The following SLC5A10 variants were observed in gnomAD, a reference collection of about 807,000 sequenced individuals.
The protein encoded by SLC5A10 is solute carrier family 5 member 10.
In SLC5A10, 55 loss-of-function variants were observed where a neutral mutation model predicts 68.9. The ratio of observed to expected loss-of-function variants is 0.80; its 90% CI spans 0.64 to 1.00. SLC5A10 has a LOEUF of 1.00. Among genes scored for constraint, SLC5A10 ranks in the 50% least tolerant of loss-of-function variants. The pLI is 0.00. For synonymous variants in SLC5A10, 344 were observed against 344.8 expected (o/e 1.00, Z 0.02); for missense variants, 732 against 819.3 (o/e 0.89, Z 1.30).
At chr17:18,961,627 C>T (rs532188978) in intron 5 of SLC5A10, among the ~76,000 whole-genome samples, 1 of 152,278 alleles carries the variant, frequency 6.6e-6, no homozygotes, top group East Asian at 1.9e-4. Flanking sequence ...GAAGAGGCGT[C>T]GATTTAGTGA....
Position 18,983,271 on chromosome 17 carries a change from C to A in SLC5A10, c.982+6282C>A, listed in dbSNP as rs866487561. 4.1e-4 allele frequency among the ~76,000 whole-genome samples: 63 copies of A among 152,370 alleles called. No individual in the cohort carries two copies. The Middle Eastern group carries it at 0.01, about 25-fold the overall frequency. On this transcript the variant is annotated intron_variant, in intron 9 of 14. Transcript: ENST00000395645. ...CTCCTTTAATTTCACCCTCACACAA[C>A]CCCGTGAGGCATCACTATGGCCATG...
rs879623155 is a variant in SLC5A10 at position 19,022,134 on chromosome 17, G to A, written c.*1703G>A. 8.7e-6 allele frequency: 13 copies of A among 1,496,092 alleles called. No homozygotes were observed. Among genetic ancestry groups the A allele is most frequent in the Admixed American group, 4.9e-5 (2 of 40,900 alleles). The allele number at this position is 1,496,092 out of a possible 1,614,324, so 92.7% of individuals were successfully genotyped here. On this transcript the variant is annotated 3_prime_UTR_variant, in exon 15 of 15. Transcript: ENST00000395645. ...GTCAAACTGGGCCTGGGCAAAGCAG[G>A]CCCCAGGTGACTGCAAGAAGAGGAG...
At chr17:18,993,227 CTG>C (rs1317004057) in intron 9 of SLC5A10, among the ~76,000 whole-genome samples, 5 of 152,242 alleles carry the variant, frequency 3.3e-5, no homozygotes, top group African/African-American at 9.6e-5. Context: ...CCTCAAGCCA[CTG>C]TGTCTCCTAC....
chr17:18,981,768 G>A (rs950817468), intron 9 of SLC5A10, among the ~76,000 whole-genome samples: 2 of 152,190 alleles, frequency 1.3e-5, no homozygotes, highest in Admixed American at 6.5e-5. Flanking sequence ...CGCCCTCGCC[G>A]GCCCCCCACC....
chr17:18,963,860 G>A (rs2042659193), intron 5 of SLC5A10, among the ~76,000 whole-genome samples: 1 of 152,220 alleles, frequency 6.6e-6, no homozygotes, highest in African/African-American at 2.4e-5. Flanking sequence ...TGGGCACGAT[G>A]CCCCATGCCA....
Position 19,011,185 on chromosome 17 carries a change from G to A in SLC5A10, c.983-2225G>A, listed in dbSNP as rs147554715. On this transcript the variant is annotated intron_variant, in intron 9 of 14. Transcript: ENST00000395645. ...ACAAACAACTGTGATTCAATCTTTG[G>A]CCTTAGGAGCCCTTGGGAGGAAGCT... Among the ~76,000 whole-genome samples the A allele has an allele frequency of 1.5e-3, 226 of 152,306 alleles. 1 individual carries two copies. Among genetic ancestry groups the A allele is most frequent in the African/African-American group, 5.3e-3 (220 of 41,564 alleles).
chr17:19,022,074 C>T lies in SLC5A10; in HGVS notation c.*1643C>T, dbSNP rs138402616. The T allele has an allele frequency of 1.5e-4, 231 of 1,591,602 alleles. No individual in the cohort carries two copies. The highest frequency in any genetic ancestry group is 1.0e-3 in the Middle Eastern group (6 of 6,016). ...CAGGACCTCAATGATGTCGCCACGG[C>T]GGAAGCTGAGCTGCGAGGGGTCCTG... On this transcript the variant is annotated 3_prime_UTR_variant, in exon 15 of 15. Transcript: ENST00000395645.
chr17:18,966,770 C>T (rs62076171), intron 5 of SLC5A10, among the ~76,000 whole-genome samples: 4 of 87,406 alleles, frequency 4.6e-5, no homozygotes, highest in South Asian at 4.4e-4. Flanking sequence ...AAAAAAACAA[C>T]ACTCTGCGGT....
In SLC5A10 at chr17:19,021,854, T is replaced by C; in HGVS notation, c.*1423T>C. 8.1e-7 allele frequency: 1 copy of C among 1,232,252 alleles called. No individual in the cohort carries two copies. Among genetic ancestry groups the C allele is most frequent in the Non-Finnish European group, 1.1e-6 (1 of 937,810 alleles). The allele number at this position is 1,232,252 out of a possible 1,614,324, so 76.3% of individuals were successfully genotyped here. A position where few individuals can be genotyped will look rare whatever the true frequency, so the allele number is the denominator to read the frequency against. The stretch of plus-strand genomic sequence containing the variant: ...GGAGCCCACGTTCAGTCCAAGGCCG[T>C]CCACTGAGCCCCGTGTGACTCTGAC... On this transcript the variant is annotated 3_prime_UTR_variant, in exon 15 of 15. Transcript: ENST00000395645. The surrounding 1 kb of genome is among the most constrained non-coding windows in gnomAD (Gnocchi z 4.1).
intron 9 of SLC5A10, chr17:18,979,818 G>A: frequency 1.1e-6 from 1 of 919,660 alleles, no homozygotes; most frequent in Admixed American, 2.2e-5. Flanking sequence ...TGGAGAAAGG[G>A]GCTGGTGTGT....
intron 9 of SLC5A10, among the ~76,000 whole-genome samples, chr17:18,984,600 G>T (rs556118906): frequency 1.2e-3 from 181 of 152,342 alleles, no homozygotes; most frequent in South Asian, 2.3e-3. Context: ...TTGCCCAGGG[G>T]CTGCTGGTAT....
At chr17:19,013,351 G>A (rs2044057506) in intron 9 of SLC5A10, 59 bp from the exon 10 acceptor site, 2 of 1,594,982 alleles carry the variant, frequency 1.3e-6, no homozygotes, top group East Asian at 2.3e-5. Context: ...GCCCTATCTT[G>A]CCCACCCCAG....
At chr17:18,966,177 A>C (rs2042705375) in intron 5 of SLC5A10, among the ~76,000 whole-genome samples, 1 of 152,122 alleles carries the variant, frequency 6.6e-6, no homozygotes, top group African/African-American at 2.4e-5. Context: ...AGGGTAGTGG[A>C]AAGGACAGTT....
chr17:18,966,502 G>A (rs1463282988), intron 5 of SLC5A10, among the ~76,000 whole-genome samples: 5 of 152,116 alleles, frequency 3.3e-5, no homozygotes, highest in African/African-American at 1.2e-4. Context: ...GGTGGCTCAC[G>A]CCTGTAATCC....
chr17:19,008,657 G>A (rs2043951441), intron 9 of SLC5A10, among the ~76,000 whole-genome samples: 1 of 151,508 alleles, frequency 6.6e-6, no homozygotes, highest in Admixed American at 6.6e-5. Flanking sequence ...CTGCCACCAC[G>A]CCCTGCTAAT....
Position 19,021,989 on chromosome 17 carries a change from TG to T in SLC5A10, c.*1561del. ...GGTGCACGGGCTGCACGTAACTCCG[TG>T]GGAAGAAGCCAACGCGCCCGCAGGA... On this transcript the variant is annotated 3_prime_UTR_variant, in exon 15 of 15. Coordinates refer to ENST00000395645, the MANE Select transcript of SLC5A10 (RefSeq NM_001042450.4). This position sits in a 1 kb window ranked among gnomAD's most constrained non-coding sequence, Gnocchi z 4.1. 1 of 1,582,842 alleles carries T rather than the reference TG, an allele frequency of 6.3e-7. No individual in the cohort carries two copies. Among genetic ancestry groups the T allele is most frequent in the Non-Finnish European group, 8.6e-7 (1 of 1,165,880 alleles).
At chr17:19,008,641 A>G (rs952697576) in intron 9 of SLC5A10, among the ~76,000 whole-genome samples, 85 of 151,840 alleles carry the variant, frequency 5.6e-4, no homozygotes, top group African/African-American at 2.0e-3. Flanking sequence ...CTGGGACTAC[A>G]GGCGCCTGCC....
intron 3 of SLC5A10, 99 bp from the exon 4 acceptor site, chr17:18,959,505 C>T: frequency 1.5e-6 from 2 of 1,349,392 alleles, no homozygotes; most frequent in Non-Finnish European, 2.1e-6. Flanking sequence ...TGGGGGAAGC[C>T]AGGCCTCCGG....
At chr17:18,983,911 C>G (rs1438620445) in intron 9 of SLC5A10, among the ~76,000 whole-genome samples, 1 of 152,204 alleles carries the variant, frequency 6.6e-6, no homozygotes, top group African/African-American at 2.4e-5. Context: ...GATACATGTC[C>G]CCTTTTGTGT....
Sources: allele counts gnomAD v4.1 joint callset (sites outside exome capture counted in the v4.1 genomes callset), GRCh38; gene constraint gnomAD v4.1.1; non-coding constraint Gnocchi (gnomAD v3.1); transcripts MANE v1.5; gene names NCBI Gene and HGNC (gene_info 2026-07-23, HGNC 2026-07-21).